CEP89: variants seen among roughly 807,000 people sequenced by gnomAD.
CEP89 encodes centrosomal protein 89.
In CEP89, 95 loss-of-function variants were observed where a neutral mutation model predicts 97.6. The ratio of observed to expected loss-of-function variants is 0.97; its 90% CI spans 0.82 to 1.15. The LOEUF is 1.15. Ranked by LOEUF, CEP89 falls within the 50% of genes most tolerant of loss-of-function variation. CEP89 has a pLI of 0.00. For synonymous variants in CEP89, 354 were observed against 349.1 expected (o/e 1.01, Z -0.16); for missense variants, 869 against 947.7 (o/e 0.92, Z 1.09).
chr19:32,908,324 G>A (rs1435393605), intron 14 of CEP89, among the ~76,000 whole-genome samples: 2 of 152,246 alleles, frequency 1.3e-5, no homozygotes, highest in Non-Finnish European at 2.9e-5. Context: ...AGACCTTTGT[G>A]GCTCAGAATG....
At chr19:32,934,139 G>C (rs1368330355) in intron 7 of CEP89, among the ~76,000 whole-genome samples, 1 of 151,878 alleles carries the variant, frequency 6.6e-6, no homozygotes, top group Admixed American at 6.6e-5. Context: ...GGCTGGCTGG[G>C]TGCGGGCAGT....
Position 32,953,671 on chromosome 19 carries a change from G to A in CEP89, c.436C>T (p.Arg146Trp), listed in dbSNP as rs766124401. The change falls in exon 4 of 19, where the codon CGG becomes TGG. Residue 146 changes from arginine to tryptophan, a missense_variant. Arg to Trp is a moderately radical substitution (Grantham distance 101, BLOSUM62 -3). Transcript: ENST00000305768. ...TCACTGTGGCCTCCTCTGTCCTCCC[G>A]GGCACTGACATCCCCCAATTCCTTG... ...SGKELGDVSAREDRGGHSDDL... is the reference protein window; with the variant it reads ...SGKELGDVSAWEDRGGHSDDL... 3.7e-6 allele frequency: 6 copies of A among 1,613,812 alleles called. No individual in the cohort carries two copies. The highest frequency in any genetic ancestry group is 2.2e-5 in the East Asian group (1 of 44,884).
chr19:32,891,746 G>A (rs1969521319), intron 16 of CEP89, among the ~76,000 whole-genome samples: 1 of 151,808 alleles, frequency 6.6e-6, no homozygotes. Context: ...GAGAGCTTCA[G>A]TGATAGACTA....
intron 2 of CEP89, 76 bp from the exon 3 acceptor site, chr19:32,960,134 C>A: frequency 1.3e-6 from 2 of 1,498,784 alleles, no homozygotes; most frequent in Non-Finnish European, 9.2e-7. Context: ...TACATAAACT[C>A]ATCAAGGCTT....
chr19:32,962,116 C>T (rs1971181977), intron 2 of CEP89, among the ~76,000 whole-genome samples: 1 of 151,858 alleles, frequency 6.6e-6, no homozygotes, highest in African/African-American at 2.4e-5. Context: ...TGCCATTACC[C>T]AAATCTCCTC....
intron 13 of CEP89, among the ~76,000 whole-genome samples, chr19:32,915,734 G>C (rs1970112159): frequency 6.6e-6 from 1 of 150,954 alleles, no homozygotes; most frequent in East Asian, 2.0e-4. Flanking sequence ...GCCTGGCCAA[G>C]TTGGTGAAAC....
intron 11 of CEP89, among the ~76,000 whole-genome samples, chr19:32,925,850 C>G (rs564086114): frequency 6.6e-6 from 1 of 152,180 alleles, no homozygotes; most frequent in East Asian, 1.9e-4. Context: ...GCACTTCCCC[C>G]CTGCTGTCTT....
chr19:32,964,311 A>G (rs996607678), intron 2 of CEP89, among the ~76,000 whole-genome samples: 2 of 152,066 alleles, frequency 1.3e-5, no homozygotes, highest in African/African-American at 4.8e-5. Context: ...AGCTGGGACT[A>G]CAGGAGTGCA....
intron 2 of CEP89, among the ~76,000 whole-genome samples, chr19:32,962,815 A>T (rs537053541): frequency 1.3e-5 from 2 of 152,344 alleles, no homozygotes; most frequent in South Asian, 4.1e-4. Flanking sequence ...GGAAACCCAC[A>T]GTCTTCACCC....
In CEP89 at chr19:32,939,857, C is replaced by T; in HGVS notation, c.624G>A (p.Lys208=). The T allele has an allele frequency of 8.1e-7, 1 of 1,230,544 alleles. No homozygotes were observed. Among genetic ancestry groups the T allele is most frequent in the Non-Finnish European group, 1.2e-6 (1 of 858,970 alleles). 76.2% of individuals were successfully genotyped at this position (1,230,544 alleles called of 1,614,324 possible). The change falls in exon 6 of 19, where the codon AAG becomes AAA. Residue 208 remains lysine, a splice_region_variant and synonymous_variant. Transcript: ENST00000305768. The part of the protein sequence containing the change: ...KDGKHPVLNL[K]DEKPPLCEKP... ...CAGTTTTTAAAAAAAATGATCTTAC[C>T]TTTAAATTCAGAACAGGGTGTTTAC... is the stretch of plus-strand genomic sequence containing the variant.
At chr19:32,950,430 T>G (rs1168205370) in intron 4 of CEP89, among the ~76,000 whole-genome samples, 2 of 152,098 alleles carry the variant, frequency 1.3e-5, no homozygotes, top group Non-Finnish European at 1.5e-5. Context: ...TGGTGGCACA[T>G]GCCTGTAATC....
At chr19:32,946,590 A>T (rs1161626471) in intron 5 of CEP89, among the ~76,000 whole-genome samples, 3 of 152,128 alleles carry the variant, frequency 2.0e-5, no homozygotes, top group African/African-American at 7.2e-5. Context: ...CTCACATCTC[A>T]TCTTGAATTG....
rs760058269 is a variant in CEP89 at position 32,918,882 on chromosome 19, T to TC, written c.1269-544_1269-543insG. Among the ~76,000 whole-genome samples the TC allele has an allele frequency of 7.1e-3, 1,008 of 141,392 alleles. 75 individuals are homozygous for TC. The highest frequency in any genetic ancestry group is 0.014 in the African/African-American group (551 of 38,058). 92.8% of individuals were successfully genotyped at this position (141,392 alleles called of 152,430 possible). A position where few individuals can be genotyped will look rare whatever the true frequency, so the allele number is the denominator to read the frequency against. The stretch of plus-strand genomic sequence containing the variant: ...TCTTTTTTCTTTTTTCTTTTTCTTT[T>TC]TCTTTTTTTTTTTTTTTTTTGAGAC... On this transcript the variant is annotated intron_variant, in intron 12 of 18. Transcript: ENST00000305768.
At chr19:32,967,676 C>T (rs1009997945) in intron 1 of CEP89, among the ~76,000 whole-genome samples, 6 of 152,184 alleles carry the variant, frequency 3.9e-5, no homozygotes, top group African/African-American at 9.7e-5. Flanking sequence ...ATCACACAGG[C>T]GTTTAGACTG....
chr19:32,893,452 T>A (rs1969576399), intron 16 of CEP89, among the ~76,000 whole-genome samples: 2 of 152,324 alleles, frequency 1.3e-5, no homozygotes, highest in African/African-American at 2.4e-5. Flanking sequence ...TTCAACACCC[T>A]ACTCTCAGCA....
chr19:32,892,277 A>G (rs576530098), intron 16 of CEP89, among the ~76,000 whole-genome samples: 2 of 144,062 alleles, frequency 1.4e-5, no homozygotes, highest in South Asian at 2.2e-4. Flanking sequence ...CATAAGACTA[A>G]CAGCGTATTT....
At chr19:32,959,206 C>T (rs1971114251) in intron 3 of CEP89, among the ~76,000 whole-genome samples, 1 of 152,070 alleles carries the variant, frequency 6.6e-6, no homozygotes, top group Non-Finnish European at 1.5e-5. Flanking sequence ...CCTGCCCACT[C>T]CTCCAGCCCC....
Position 32,901,244 on chromosome 19 carries a change from C to T in CEP89, c.1733+1G>A. 1 of 1,608,668 alleles carries T rather than the reference C, an allele frequency of 6.2e-7. No homozygotes were observed. Among genetic ancestry groups the T allele is most frequent in the Non-Finnish European group, 8.5e-7 (1 of 1,178,736 alleles). ...AACTTAAAGGAAAAAAAGACACAAA[C>T]CTATTGATTTTCTGTGCTCGTTCAA... On this transcript the variant is annotated splice_donor_variant, in intron 15 of 18. Transcript: ENST00000305768. LOFTEE classifies it high-confidence loss of function.
intron 17 of CEP89, among the ~76,000 whole-genome samples, chr19:32,886,183 G>A (rs140288860): frequency 3.9e-5 from 6 of 152,250 alleles, no homozygotes; most frequent in Admixed American, 6.5e-5. Context: ...TCTCCTTTGC[G>A]GCAACACTTT....
Sources: gnomAD v4.1 joint callset for allele counts (sites outside exome capture counted in the v4.1 genomes callset) on GRCh38, gnomAD v4.1.1 for gene constraint, MANE v1.5 for transcripts, NCBI Gene and HGNC (gene_info 2026-07-23, HGNC 2026-07-21) for gene names.